ZNF536: variants seen among roughly 807,000 people sequenced by gnomAD.
ZNF536 encodes the protein zinc finger protein 536.
A neutral mutation model predicts 84.5 loss-of-function variants in ZNF536; 13 were observed. That is an observed-to-expected ratio of 0.15 (90% CI 0.10 to 0.24). The LOEUF (loss-of-function observed/expected upper bound fraction) is 0.24, where lower values mean the gene tolerates loss of function less well. Among genes scored for constraint, ZNF536 ranks in the 10% least tolerant of loss-of-function variants. ZNF536 has a pLI of 1.00. For missense variants in ZNF536, 1,536 were observed against 1,747.5 expected (o/e 0.88, Z 2.16); for synonymous variants, 811 against 742.5 (o/e 1.09, Z -1.50).
At chr19:30,711,149 C>G (rs952118258) in exon 2 of ZNF536, 9 of 148,368 alleles carry the variant, frequency 6.1e-5, no homozygotes, top group Non-Finnish European at 1.0e-4. Flanking sequence ...TAAAAGATAT[C>G]TATATATATA....
intron 2 of ZNF536, among the ~76,000 whole-genome samples, chr19:30,482,438 T>C (rs1373372084): frequency 6.6e-6 from 1 of 152,208 alleles, no homozygotes; most frequent in East Asian, 1.9e-4. Context: ...TCCTTCTCTG[T>C]GCTCCTAACC....
Position 30,548,211 on chromosome 19 carries a change from C to T in ZNF536, c.2592C>T (p.Leu864=), listed in dbSNP as rs961885089. The T allele has an allele frequency of 1.9e-6, 3 of 1,614,232 alleles. No homozygotes were observed. Among genetic ancestry groups the T allele is most frequent in the Non-Finnish European group, 2.5e-6 (3 of 1,180,044 alleles). ...PASQQWTSGV[L]SSGDHSGQAT... Reference sequence around the variant, plus strand: ...CTCAGCAGTGGACATCAGGGGTTCTCTCCTCTGGAGATCACTCGGGGCAGG... The same window carrying T: ...CTCAGCAGTGGACATCAGGGGTTCTTTCCTCTGGAGATCACTCGGGGCAGG... The change falls in exon 4 of 5, where the codon CTC becomes CTT. Residue 864 remains leucine (L), a synonymous_variant. Coordinates refer to ENST00000355537, the MANE Select transcript of ZNF536 (RefSeq NM_014717.3).
chr19:30,308,980 A>C (rs2046419657), intron 2 of ZNF536, among the ~76,000 whole-genome samples: 1 of 152,074 alleles, frequency 6.6e-6, no homozygotes, highest in Non-Finnish European at 1.5e-5. Context: ...ACTTAACCAC[A>C]CTTGGCAAGA....
In ZNF536 at chr19:30,667,523, C is replaced by T. The variant is rs117156901; in HGVS notation, c.170-43234C>T. ...TGGGTGGTTAGGAGACCTGAAATGC[C>T]GAAGTGTCCCCAATGGCCTGGATCA... is the stretch of plus-strand genomic sequence containing the variant. On this transcript the variant is annotated intron_variant, in intron 1 of 1. Transcript: ENST00000592773. Among the ~76,000 whole-genome samples, 387 of 151,958 alleles carry T rather than the reference C, an allele frequency of 2.5e-3. 3 individuals carry two copies. The highest frequency in any genetic ancestry group is 0.014 in the South Asian group (69 of 4,804).
upstream of ZNF536, among the ~76,000 whole-genome samples, chr19:30,371,567 T>C (rs1224572408): frequency 1.3e-5 from 2 of 151,156 alleles, no homozygotes; most frequent in Admixed American, 6.6e-5. Context: ...TGTTTTTTTT[T>C]TTTTGTTTTT....
intron 1 of ZNF536, among the ~76,000 whole-genome samples, chr19:30,440,345 C>T (rs920572424): frequency 3.3e-5 from 5 of 152,044 alleles, no homozygotes; most frequent in East Asian, 1.9e-4. Context: ...CGATTCGGAT[C>T]GTAGGTGCTC....
intron 2 of ZNF536, among the ~76,000 whole-genome samples, chr19:30,352,076 A>T (rs964832294): frequency 2.0e-5 from 3 of 152,202 alleles, no homozygotes; most frequent in Non-Finnish European, 2.9e-5. Context: ...GGAGTGAGAA[A>T]ATAAAGTGGA....
At chr19:30,469,910 T>G (rs1161883842) in intron 2 of ZNF536, among the ~76,000 whole-genome samples, 1 of 151,930 alleles carries the variant, frequency 6.6e-6, no homozygotes, top group Non-Finnish European at 1.5e-5. Context: ...CTTCCCCACA[T>G]GCTATTCACT....
At position 30,548,594 on chromosome 19, in the gene ZNF536, T is replaced by C. The variant is rs774332415; in HGVS notation, c.2975T>C (p.Val992Ala). ...GCCGCCTCCCTCCCGGGCTCCTCGG[T>C]AACTGTGCAGGACAGCATTGCATGG... ...PDAASLPGSS[V>A]TVQDSIAWHG... Residue 992 changes from valine (V) to alanine (A), a missense_variant, in exon 4 of 5, where the codon GTA becomes GCA. By Grantham distance (64) the Val-to-Ala change is moderately conservative. Around this residue, in one of 8 missense-constraint regions of ZNF536, gnomAD observed 624 missense variants for 603.1 expected, o/e 1.03. Transcript: ENST00000355537. 18 of 1,614,040 alleles carry C rather than the reference T, an allele frequency of 1.1e-5. No individual in the cohort carries two copies. The highest frequency in any genetic ancestry group is 1.5e-5 in the Non-Finnish European group (18 of 1,180,042).
chr19:30,410,078 A>C (rs914608595), intron 1 of ZNF536, among the ~76,000 whole-genome samples: 3 of 152,154 alleles, frequency 2.0e-5, no homozygotes, highest in African/African-American at 7.2e-5. Flanking sequence ...AATAGTTCGT[A>C]CATGGTGTTT....
At chr19:30,614,614 A>G (rs1046017235) in intron 1 of ZNF536, among the ~76,000 whole-genome samples, 2 of 151,988 alleles carry the variant, frequency 1.3e-5, no homozygotes, top group Admixed American at 6.6e-5. Flanking sequence ...ACATCTTTCC[A>G]TATGTTTAAA....
intron 1 of ZNF536, among the ~76,000 whole-genome samples, chr19:30,641,334 C>A (rs1178717695): frequency 6.6e-6 from 1 of 152,094 alleles, no homozygotes; most frequent in Non-Finnish European, 1.5e-5. Context: ...ATGAAGAATG[C>A]CACAGTTTTA....
chr19:30,538,996 C>T (rs2045207868), intron 3 of ZNF536, among the ~76,000 whole-genome samples: 1 of 151,174 alleles, frequency 6.6e-6, no homozygotes, highest in African/African-American at 2.4e-5. Context: ...TTGTTTGAGC[C>T]CAGGAGTTCA....
At chr19:30,416,363 T>G (rs2050735146) in intron 1 of ZNF536, among the ~76,000 whole-genome samples, 1 of 151,392 alleles carries the variant, frequency 6.6e-6, no homozygotes, top group African/African-American at 2.4e-5. Flanking sequence ...ACATTTGTAG[T>G]GAGCTATTTT....
intron 1 of ZNF536, among the ~76,000 whole-genome samples, chr19:30,606,184 TAAAATAAAATAATAA>T: frequency 9.0e-6 from 1 of 111,260 alleles, no homozygotes; most frequent in South Asian, 2.8e-4. Flanking sequence ...TAAAATAAAA[TAAAATAAAATAATAA>T]AATAAAATAA....
At chr19:30,496,175 C>A (rs2054711036) in intron 2 of ZNF536, among the ~76,000 whole-genome samples, 1 of 152,138 alleles carries the variant, frequency 6.6e-6, no homozygotes. Context: ...TCTCTGTCCC[C>A]ATACCCTGTA....
intron 1 of ZNF536, among the ~76,000 whole-genome samples, chr19:30,256,754 T>G (rs754834027): frequency 6.6e-6 from 1 of 152,234 alleles, no homozygotes; most frequent in Non-Finnish European, 1.5e-5. Context: ...GCTTGGGTTC[T>G]TAACGTTTGG....
intron 2 of ZNF536, among the ~76,000 whole-genome samples, chr19:30,293,952 T>A (rs2045920973): frequency 6.6e-6 from 1 of 152,220 alleles, no homozygotes; most frequent in Non-Finnish European, 1.5e-5. Context: ...TATTAGATTT[T>A]TTTTTTCCTG....
At chr19:30,303,193 G>A (rs544257685) in intron 2 of ZNF536, among the ~76,000 whole-genome samples, 203 of 152,166 alleles carry the variant, frequency 1.3e-3, no homozygotes, top group Non-Finnish European at 2.5e-3. Context: ...TGGGGACAGA[G>A]CACACCACCT....
Sources: allele counts gnomAD v4.1 joint callset (sites outside exome capture counted in the v4.1 genomes callset), GRCh38; gene constraint gnomAD v4.1.1; regional missense constraint gnomAD v4.1.1; transcripts MANE v1.5; gene names NCBI Gene and HGNC (gene_info 2026-07-23, HGNC 2026-07-21).